Variants in NPFFR2 observed in about 807,000 individuals in gnomAD.
NPFFR2 encodes G-protein coupled receptor 74.
NPFFR2 carries 15 observed loss-of-function variants against 13.1 expected under a neutral mutation model. The ratio of observed to expected loss-of-function variants is 1.15; its 90% confidence interval spans 0.77 to 1.76. NPFFR2 has a LOEUF of 1.76. NPFFR2 is among the 40% of genes most tolerant of loss of function. The probability of loss-of-function intolerance (pLI) is 0.00; values close to 1 mark genes in which losing one functional copy is unlikely to be tolerated. For synonymous variants in NPFFR2, 190 were observed against 175.7 expected (o/e 1.08, Z -0.65); for missense variants, 572 against 503.5 (o/e 1.14, Z -1.30).
In NPFFR2 at chr4:72,148,102, C is replaced by T. The variant is rs74469526; in HGVS notation, c.*290C>T. On this transcript the variant is annotated 3_prime_UTR_variant, in exon 4 of 4. Transcript: ENST00000308744. ...TTCCAAACTTAACCATTTGTGTATG[C>T]GTCAAATCAAGCCTGCACGCGTGCG... The T allele has an allele frequency of 1.6e-3, 443 of 282,672 alleles. 2 individuals carry two copies. The highest frequency in any genetic ancestry group is 0.012 in the East Asian group (170 of 13,870). 17.5% of individuals were successfully genotyped at this position (282,672 alleles called of 1,614,324 possible).
intron 1 of NPFFR2, among the ~76,000 whole-genome samples, chr4:72,052,492 A>G (rs929116188): frequency 6.6e-6 from 1 of 151,978 alleles, no homozygotes; most frequent in Non-Finnish European, 1.5e-5. Context: ...GATGGGAAGT[A>G]TCTCAAAATA....
intron 1 of NPFFR2, among the ~76,000 whole-genome samples, chr4:72,069,882 A>G (rs1268570094): frequency 6.6e-6 from 1 of 152,132 alleles, no homozygotes; most frequent in Non-Finnish European, 1.5e-5. Flanking sequence ...AAAAAAATTG[A>G]TCATACAAAC....
At chr4:72,085,451 TTA>T (rs775583577) in intron 1 of NPFFR2, among the ~76,000 whole-genome samples, 1 of 152,178 alleles carries the variant, frequency 6.6e-6, no homozygotes, top group Non-Finnish European at 1.5e-5. Context: ...AGCATATATT[TTA>T]TGTTTTTTCT....
At chr4:72,051,110 T>C (rs1719559582) in intron 1 of NPFFR2, among the ~76,000 whole-genome samples, 1 of 151,976 alleles carries the variant, frequency 6.6e-6, no homozygotes, top group African/African-American at 2.4e-5. Flanking sequence ...TGATTTATAG[T>C]CCTCTGGGTA....
At chr4:72,131,488 C>G (rs1038556746) in intron 2 of NPFFR2, among the ~76,000 whole-genome samples, 5 of 150,250 alleles carry the variant, frequency 3.3e-5, no homozygotes, top group Non-Finnish European at 7.4e-5. Context: ...GGAGATATAC[C>G]TAATGCTAGA....
In NPFFR2 at chr4:72,142,170, G is replaced by A. The variant is rs192887858; in HGVS notation, c.428+4031G>A. ...ATATGTGTCTCTGCATGTGAGATGG[G>A]TCTCCTGAATACGGCACAGTGATGG... On this transcript the variant is annotated intron_variant, in intron 3 of 3. Transcript: ENST00000308744. Among the ~76,000 whole-genome samples, 278 of 152,156 alleles carry A rather than the reference G, an allele frequency of 1.8e-3. 2 individuals are homozygous for A. Among genetic ancestry groups the A allele is most frequent in the African/African-American group, 6.4e-3 (265 of 41,494 alleles).
At chr4:72,127,085 G>C (rs1037701718) in intron 1 of NPFFR2, among the ~76,000 whole-genome samples, 2 of 151,504 alleles carry the variant, frequency 1.3e-5, no homozygotes, top group African/African-American at 2.4e-5. Flanking sequence ...GGCAGATCAC[G>C]AGGTCAGGAG....
intron 1 of NPFFR2, among the ~76,000 whole-genome samples, chr4:72,048,997 G>A (rs1719465354): frequency 1.3e-5 from 2 of 152,070 alleles, no homozygotes; most frequent in South Asian, 4.1e-4. Flanking sequence ...AAGATATGTA[G>A]GGAAGTCAAT....
intron 1 of NPFFR2, among the ~76,000 whole-genome samples, chr4:72,101,675 T>C (rs1236887652): frequency 1.3e-5 from 2 of 151,954 alleles, no homozygotes; most frequent in Admixed American, 6.6e-5. Flanking sequence ...AAGGGGAGTT[T>C]TCCTGGGTAA....
At chr4:72,143,985 A>G (rs1722704865) in intron 3 of NPFFR2, among the ~76,000 whole-genome samples, 1 of 152,130 alleles carries the variant, frequency 6.6e-6, no homozygotes, top group Non-Finnish European at 1.5e-5. Flanking sequence ...TCAGTTATCT[A>G]TTGATATATA....
intron 1 of NPFFR2, among the ~76,000 whole-genome samples, chr4:72,062,532 A>G (rs1719948755): frequency 6.6e-6 from 1 of 152,122 alleles, no homozygotes; most frequent in Admixed American, 6.6e-5. Context: ...TAAAAAAAAA[A>G]AAAAAGAAGT....
chr4:72,102,714 T>G, intron 1 of NPFFR2, among the ~76,000 whole-genome samples: 1 of 152,074 alleles, frequency 6.6e-6, no homozygotes, highest in Non-Finnish European at 1.5e-5. Context: ...CTCATTTTTA[T>G]GGCTGCATAG....
intron 1 of NPFFR2, among the ~76,000 whole-genome samples, chr4:72,123,035 G>A (rs939865234): frequency 6.6e-6 from 1 of 151,710 alleles, no homozygotes; most frequent in Admixed American, 6.6e-5. Flanking sequence ...AAAGAGAGAA[G>A]AATCAAATAG....
At chr4:72,066,178 AGAG>A (rs1169185427) in intron 1 of NPFFR2, among the ~76,000 whole-genome samples, 4 of 152,086 alleles carry the variant, frequency 2.6e-5, no homozygotes, top group Non-Finnish European at 2.9e-5. Flanking sequence ...CATCCTCTGG[AGAG>A]GAGGAGTGCT....
intron 1 of NPFFR2, among the ~76,000 whole-genome samples, chr4:72,047,752 T>C (rs1409302730): frequency 1.3e-5 from 2 of 152,198 alleles, no homozygotes; most frequent in Non-Finnish European, 2.9e-5. Context: ...TATGCGTATA[T>C]GTTAATAATA....
intron 3 of NPFFR2, chr4:72,146,686 C>T: frequency 3.2e-6 from 1 of 313,024 alleles, no homozygotes; most frequent in Admixed American, 4.5e-5. Context: ...AGAGACGGTC[C>T]ATGCAAATTA....
intron 2 of NPFFR2, among the ~76,000 whole-genome samples, chr4:72,133,375 T>G (rs955125194): frequency 1.3e-5 from 2 of 152,216 alleles, no homozygotes; most frequent in Admixed American, 1.3e-4. Flanking sequence ...ATGTGTCTAT[T>G]TTTGTACTAG....
At chr4:72,036,664 T>C (rs943587779) in intron 1 of NPFFR2, among the ~76,000 whole-genome samples, 6 of 150,610 alleles carry the variant, frequency 4.0e-5, no homozygotes, top group Non-Finnish European at 8.9e-5. Flanking sequence ...TTTCCCATAA[T>C]GAAAAAAATT....
intron 1 of NPFFR2, among the ~76,000 whole-genome samples, chr4:72,101,975 A>G (rs79637504): frequency 0.018 from 2,716 of 152,240 alleles, 87 homozygotes; most frequent in African/African-American, 0.062. Context: ...CCAAAAAGCC[A>G]CAGGATATGC....
Sources: gnomAD v4.1 joint callset for allele counts (sites outside exome capture counted in the v4.1 genomes callset) on GRCh38, gnomAD v4.1.1 for gene constraint, MANE v1.5 for transcripts, NCBI Gene and HGNC (gene_info 2026-07-23, HGNC 2026-07-21) for gene names.